The following IMPA2 variants were observed in gnomAD, a reference collection of about 807,000 sequenced individuals.
IMPA2 encodes the protein inositol monophosphatase 2, also known as IMP 2.
A neutral mutation model predicts 35.1 loss-of-function variants in IMPA2; 32 were observed. The observed-to-expected ratio is 0.91, with a 90% CI of 0.69 to 1.23. IMPA2 has a LOEUF of 1.23. IMPA2 is among the 50% of genes most tolerant of loss of function. The pLI, the probability that IMPA2 is intolerant of heterozygous loss-of-function variation, is 0.00. For missense variants in IMPA2, 334 were observed against 387.6 expected (o/e 0.86, Z 1.16); for synonymous variants, 135 against 160.6 (o/e 0.84, Z 1.20).
chr18:11,991,181 C>T lies in IMPA2; in HGVS notation c.97-7873C>T, dbSNP rs551369891. Among the ~76,000 whole-genome samples the T allele has an allele frequency of 7.2e-5, 11 of 152,302 alleles. No homozygotes were observed. In the South Asian group the frequency reaches 1.7e-3, roughly 23 times the overall value. On this transcript the variant is annotated intron_variant, in intron 1 of 7. Transcript: ENST00000269159. The surrounding 1 kb of genome is among the most constrained non-coding windows in gnomAD (Gnocchi z 4.1). ...ACGAGGGGAGGCAGGGGCCACAGGC[C>T]ACGGGCCCTGGAACACAGGGAATGC...
intron 7 of IMPA2, 113 bp downstream of exon 7, chr18:12,029,106 C>CTT: frequency 8.6e-4 from 307 of 357,460 alleles, no homozygotes; most frequent in Non-Finnish European, 1.0e-3. Flanking sequence ...CCCAGAGTTT[C>CTT]TGTTTTTTTT....
chr18:11,981,701 T>C lies in IMPA2; in HGVS notation c.32T>C (p.Leu11Pro), dbSNP rs2143767239. 8.1e-7 allele frequency: 1 copy of C among 1,230,488 alleles called. No individual in the cohort carries two copies. The highest frequency in any genetic ancestry group is 1.0e-6 in the Non-Finnish European group (1 of 986,952). The allele number at this position is 1,230,488 out of a possible 1,614,324, so 76.2% of individuals were successfully genotyped here. MKPSGEDQAA[L>P]AAGPWEECFQ... is the part of the protein sequence containing the mutation. ...CCGAGCGGCGAGGACCAGGCGGCGC[T>C]GGCGGCCGGCCCCTGGGAGGAGTGC... The change falls in exon 1 of 8, where the codon CTG (leucine) becomes CCG (proline). Residue 11 changes from leucine (L) to proline (P), a missense_variant. Leu to Pro is a moderately conservative substitution (Grantham distance 98). Coordinates refer to ENST00000269159, the MANE Select transcript of IMPA2 (RefSeq NM_014214.3).
intron 1 of IMPA2, among the ~76,000 whole-genome samples, chr18:11,985,757 C>T (rs553609353): frequency 6.6e-6 from 1 of 152,134 alleles, no homozygotes. Context: ...GCCTGGAAGC[C>T]CTTTCTACAC....
intron 1 of IMPA2, among the ~76,000 whole-genome samples, chr18:11,995,124 A>G (rs1906924365): frequency 6.6e-6 from 1 of 152,188 alleles, no homozygotes; most frequent in Admixed American, 6.5e-5. Context: ...GTTTCTTCAC[A>G]GAGGCCAGTA....
intron 5 of IMPA2, among the ~76,000 whole-genome samples, chr18:12,016,611 G>GT (rs1236827067): frequency 6.6e-6 from 1 of 151,958 alleles, no homozygotes; most frequent in Non-Finnish European, 1.5e-5. Flanking sequence ...TAGAGACGGG[G>GT]TTTCACCATG....
At chr18:11,987,343 T>C (rs958366075) in intron 1 of IMPA2, among the ~76,000 whole-genome samples, 7 of 152,350 alleles carry the variant, frequency 4.6e-5, no homozygotes, top group Middle Eastern at 3.4e-3. Context: ...TTTATTTTTA[T>C]TTTTTGAGAC....
intron 7 of IMPA2, among the ~76,000 whole-genome samples, chr18:12,029,611 G>T (rs566834907): frequency 6.6e-6 from 1 of 151,432 alleles, no homozygotes; most frequent in Non-Finnish European, 1.5e-5. Flanking sequence ...AGTAGAGATG[G>T]GGTTTTGCCA....
intron 5 of IMPA2, among the ~76,000 whole-genome samples, chr18:12,020,873 A>C (rs985454104): frequency 9.3e-5 from 14 of 151,200 alleles, no homozygotes; most frequent in African/African-American, 2.9e-4. Flanking sequence ...TTTTTGGCAA[A>C]ATTCTTTTAT....
At position 11,997,817 on chromosome 18, in the gene IMPA2, T is replaced by C. The variant is rs535891278; in HGVS notation, c.97-1237T>C. Among the ~76,000 whole-genome samples the C allele has an allele frequency of 2.6e-5, 4 of 152,350 alleles. No homozygotes were observed. The South Asian group carries it at 8.3e-4, about 32-fold the overall frequency. ...AGGAAGAAGGCTCTGAGTTCGTTTT[T>C]AGGTGCCCTGACTTTGTCATCATGA... On this transcript the variant is annotated intron_variant, in intron 1 of 7. Transcript: ENST00000269159.
intron 5 of IMPA2, among the ~76,000 whole-genome samples, chr18:12,021,107 T>A (rs913283061): frequency 6.6e-6 from 1 of 152,128 alleles, no homozygotes; most frequent in African/African-American, 2.4e-5. Context: ...ATTGGCCTTG[T>A]TAGGCGAGGC....
chr18:12,018,510 C>T (rs1907642904), intron 5 of IMPA2, among the ~76,000 whole-genome samples: 1 of 152,208 alleles, frequency 6.6e-6, no homozygotes, highest in South Asian at 2.1e-4. Flanking sequence ...GTGTGAAGTA[C>T]ATTCTCTAGT....
At chr18:11,984,325 C>T (rs913616355) in intron 1 of IMPA2, among the ~76,000 whole-genome samples, 1 of 152,212 alleles carries the variant, frequency 6.6e-6, no homozygotes. Context: ...CACACTGTGA[C>T]GGGAGCCTCC....
At chr18:12,001,793 C>T (rs1348733546) in intron 2 of IMPA2, among the ~76,000 whole-genome samples, 2 of 152,156 alleles carry the variant, frequency 1.3e-5, no homozygotes, top group Non-Finnish European at 2.9e-5. Flanking sequence ...CACCAGCCTC[C>T]ATCTCTGAAA....
chr18:11,987,085 C>T (rs1404020545), intron 1 of IMPA2, among the ~76,000 whole-genome samples: 1 of 152,196 alleles, frequency 6.6e-6, no homozygotes, highest in Non-Finnish European at 1.5e-5. Context: ...CTCCTTGGGT[C>T]GCTGCTGTGG....
intron 1 of IMPA2, among the ~76,000 whole-genome samples, chr18:11,990,359 A>T: frequency 6.6e-6 from 1 of 151,648 alleles, no homozygotes; most frequent in East Asian, 2.0e-4. Flanking sequence ...GTCTTTAGAA[A>T]AAAAGCAGGA....
chr18:12,008,929 G>A (rs1274745596), intron 2 of IMPA2, among the ~76,000 whole-genome samples: 3 of 152,166 alleles, frequency 2.0e-5, no homozygotes, highest in Non-Finnish European at 4.4e-5. Flanking sequence ...CAGAGTGCAG[G>A]AGCAGGCCGC....
At position 12,030,571 on chromosome 18, in the gene IMPA2, T is replaced by C. The variant is rs146317573; in HGVS notation, c.*113T>C. On this transcript the variant is annotated 3_prime_UTR_variant, in exon 8 of 8. Transcript: ENST00000269159. ...CAGTGGCTCACGCTCTGCTCCTGGC[T>C]ACCCCAGAGGGAGTTGTCACGCTAC... 1.3e-4 allele frequency: 96 copies of C among 748,556 alleles called. No individual in the cohort carries two copies. In the East Asian group the frequency reaches 2.1e-3, roughly 16 times the overall value. The allele number at this position is 748,556 out of a possible 1,614,324, so 46.4% of individuals were successfully genotyped here. A position where few individuals can be genotyped will look rare whatever the true frequency, so the allele number is the denominator to read the frequency against.
intron 2 of IMPA2, among the ~76,000 whole-genome samples, chr18:12,001,925 G>T (rs1168446945): frequency 6.6e-6 from 1 of 152,220 alleles, no homozygotes; most frequent in Admixed American, 6.5e-5. Context: ...GCCCCAGTCT[G>T]TGTGTCACCC....
chr18:11,992,331 T>C (rs914459247), intron 1 of IMPA2, among the ~76,000 whole-genome samples: 6 of 152,204 alleles, frequency 3.9e-5, no homozygotes, highest in African/African-American at 9.7e-5. Flanking sequence ...ACATCTCCTA[T>C]TGAAACTGCA....
Sources: allele counts gnomAD v4.1 joint callset (sites outside exome capture counted in the v4.1 genomes callset), GRCh38; gene constraint gnomAD v4.1.1; non-coding constraint Gnocchi (gnomAD v3.1); transcripts MANE v1.5; gene names NCBI Gene and HGNC (gene_info 2026-07-23, HGNC 2026-07-21).